The following TJP1 variants were observed in gnomAD, a reference collection of about 807,000 sequenced individuals.
TJP1 encodes tight junction protein ZO-1.
In TJP1, 43 loss-of-function variants were observed where a neutral mutation model predicts 194.2. That is an observed-to-expected ratio of 0.22 (90% CI 0.17 to 0.29). TJP1 has a LOEUF of 0.29. Ranked by LOEUF, TJP1 falls within the 10% of genes least tolerant of loss-of-function variation. The pLI is 1.00. For missense variants in TJP1, 1,971 were observed against 2,185.7 expected (o/e 0.90, Z 1.96); for synonymous variants, 801 against 779.0 (o/e 1.03, Z -0.47).
chr15:29,771,816 A>G (rs2046703999), intron 4 of TJP1, among the ~76,000 whole-genome samples: 1 of 152,156 alleles, frequency 6.6e-6, no homozygotes, highest in Non-Finnish European at 1.5e-5. Context: ...AAAAAAAAAA[A>G]AAAAGGTAAC....
chr15:29,954,605 T>C (rs1398043996), intron 2 of TJP1, among the ~76,000 whole-genome samples: 1 of 152,208 alleles, frequency 6.6e-6, no homozygotes, highest in African/African-American at 2.4e-5. Context: ...TTTACTGTCT[T>C]TTTATTCTTT....
chr15:29,711,261 T>C (rs2151046633), intron 23 of TJP1, among the ~76,000 whole-genome samples: 1 of 152,330 alleles, frequency 6.6e-6, no homozygotes, highest in South Asian at 2.1e-4. Flanking sequence ...AGGTGAAATT[T>C]TGGGTATAGT....
At chr15:29,840,703 G>T (rs1567123600) in intron 2 of TJP1, among the ~76,000 whole-genome samples, 1 of 152,166 alleles carries the variant, frequency 6.6e-6, no homozygotes, top group Non-Finnish European at 1.5e-5. Flanking sequence ...TCAGCTTCTG[G>T]AAAGAGACCA....
chr15:29,863,422 CCTCAGCTCACAACGAGTT>C (rs1344606229), intron 2 of TJP1, among the ~76,000 whole-genome samples: 9 of 152,292 alleles, frequency 5.9e-5, no homozygotes, highest in African/African-American at 1.7e-4. Context: ...AAAACAGAGT[CCTCAGCTCACAACGAGTT>C]CTCAGATGCG....
At chr15:29,943,387 T>C (rs906715591) in intron 2 of TJP1, among the ~76,000 whole-genome samples, 2 of 152,168 alleles carry the variant, frequency 1.3e-5, no homozygotes, top group Non-Finnish European at 2.9e-5. Flanking sequence ...CCCAGCACTT[T>C]GGGAGGCCGA....
At chr15:29,805,300 T>C (rs2049040062) in intron 1 of TJP1, among the ~76,000 whole-genome samples, 1 of 152,190 alleles carries the variant, frequency 6.6e-6, no homozygotes, top group Non-Finnish European at 1.5e-5. Context: ...AAACTTCAGA[T>C]CCCAGTTCTA....
intron 1 of TJP1, among the ~76,000 whole-genome samples, chr15:29,820,278 G>C (rs541806672): frequency 1.1e-4 from 17 of 149,322 alleles, no homozygotes; most frequent in African/African-American, 4.2e-4. Context: ...AAAATTAAAT[G>C]TGACTTACGG....
At chr15:29,839,661 TAAC>T (rs1007447823) in intron 2 of TJP1, among the ~76,000 whole-genome samples, 7 of 152,156 alleles carry the variant, frequency 4.6e-5, no homozygotes, top group African/African-American at 1.7e-4. Flanking sequence ...AATAATAAAA[TAAC>T]AAGAAAAATA....
At chr15:29,966,686 GAAAC>G (rs2056345974) in intron 1 of TJP1, among the ~76,000 whole-genome samples, 2 of 151,932 alleles carry the variant, frequency 1.3e-5, no homozygotes, top group African/African-American at 2.4e-5. Flanking sequence ...AGTAATGGAT[GAAAC>G]AAACAAAAGC....
At position 29,701,265 on chromosome 15, in the gene TJP1, G is replaced by C. The variant is rs2041521999; in HGVS notation, c.*330C>G. On this transcript the variant is annotated 3_prime_UTR_variant, in exon 28 of 28. Transcript: ENST00000614355. The stretch of plus-strand genomic sequence containing the variant: ...ACTTTGGAAAGAACAGACCTCAAAT[G>C]CACCCCCATTTACTGGCTGGTATTT... 1 of 243,910 alleles carries C rather than the reference G, an allele frequency of 4.1e-6. No homozygotes were observed. The highest frequency in any genetic ancestry group is 2.2e-5 in the African/African-American group (1 of 45,672). The allele number at this position is 243,910 out of a possible 1,614,324, so 15.1% of individuals were successfully genotyped here. A position where few individuals can be genotyped will look rare whatever the true frequency, so the allele number is the denominator to read the frequency against.
At chr15:29,890,097 C>G (rs1237094585) in intron 2 of TJP1, among the ~76,000 whole-genome samples, 1 of 152,184 alleles carries the variant, frequency 6.6e-6, no homozygotes, top group Non-Finnish European at 1.5e-5. Flanking sequence ...ATGCCCCGAT[C>G]AGCAAAACAA....
intron 2 of TJP1, among the ~76,000 whole-genome samples, chr15:29,853,607 G>A (rs532211271): frequency 8.5e-5 from 13 of 152,270 alleles, no homozygotes; most frequent in African/African-American, 2.9e-4. Flanking sequence ...TTAGGTGGCT[G>A]TATTTTTCCC....
At chr15:29,967,117 G>C (rs537656146) in intron 1 of TJP1, among the ~76,000 whole-genome samples, 1 of 151,680 alleles carries the variant, frequency 6.6e-6, no homozygotes, top group African/African-American at 2.4e-5. Flanking sequence ...GGGTTCAAGC[G>C]ATTCTCCTGC....
chr15:29,753,725 T>C (rs954852942), intron 8 of TJP1, among the ~76,000 whole-genome samples: 3 of 151,208 alleles, frequency 2.0e-5, no homozygotes, highest in African/African-American at 7.3e-5. Flanking sequence ...GGGAAAGAAG[T>C]CACTGATTCG....
chr15:29,909,156 C>CA lies in TJP1; in HGVS notation c.306+47075dup, dbSNP rs1228556468. Among the ~76,000 whole-genome samples, 213 of 83,958 alleles carry CA rather than the reference C, an allele frequency of 2.5e-3. 1 individual carries two copies. The highest frequency in any genetic ancestry group is 5.4e-3 in the African/African-American group (118 of 21,780). The allele number at this position is 83,958 out of a possible 152,430, so 55.1% of individuals were successfully genotyped here. ...TGGGGAACAGAGGGAGACTCCATCT[C>CA]AAAAAAAAAAAAAAAGAAAAGAAAA... On this transcript the variant is annotated intron_variant, in intron 2 of 28. Transcript: ENST00000356107.
chr15:29,864,086 T>C (rs754789385), intron 2 of TJP1, among the ~76,000 whole-genome samples: 2 of 151,854 alleles, frequency 1.3e-5, no homozygotes, highest in Non-Finnish European at 2.9e-5. Flanking sequence ...AGGATTTATA[T>C]TTCTCAAAAT....
At chr15:29,934,147 G>A (rs1204963659) in intron 2 of TJP1, among the ~76,000 whole-genome samples, 1 of 152,182 alleles carries the variant, frequency 6.6e-6, no homozygotes, top group Non-Finnish European at 1.5e-5. Context: ...AACCAGTTAA[G>A]CACTGACATA....
chr15:29,735,857 G>T (rs2043997832), intron 11 of TJP1, among the ~76,000 whole-genome samples: 1 of 152,084 alleles, frequency 6.6e-6, no homozygotes, highest in South Asian at 2.1e-4. Flanking sequence ...AAGTTTGAAG[G>T]GAAAAGGAGG....
chr15:29,761,573 G>C, intron 7 of TJP1, 28 bp downstream of exon 7: 2 of 1,571,048 alleles, frequency 1.3e-6, no homozygotes, highest in Non-Finnish European at 1.7e-6. Flanking sequence ...GTCACTTAGA[G>C]GGAACGTTCA....
Sources: allele counts gnomAD v4.1 joint callset (sites outside exome capture counted in the v4.1 genomes callset), GRCh38; gene constraint gnomAD v4.1.1; transcripts MANE v1.5; gene names NCBI Gene and HGNC (gene_info 2026-07-23, HGNC 2026-07-21).